Variants in IFIT3 observed in about 807,000 individuals in gnomAD.
IFIT3 encodes the protein interferon-induced protein with tetratricopeptide repeats 3.
A neutral mutation model predicts 2.4 loss-of-function variants in IFIT3; 2 were observed. The ratio of observed to expected loss-of-function variants is 0.82; its 90% CI spans 0.34 to 2.60. The LOEUF is 2.60. Among genes scored for constraint, IFIT3 ranks in the 30% most tolerant of loss-of-function variants. The pLI, the probability that IFIT3 is intolerant of heterozygous loss-of-function variation, is 0.11. For missense variants in IFIT3, 481 were observed against 562.4 expected, an observed-to-expected ratio of 0.86 and a Z score of 1.46; for synonymous variants, 203 against 212.1, an observed-to-expected ratio of 0.96 and a Z score of 0.37.
In IFIT3 at chr10:89,340,187, G is replaced by A. The variant is rs1040519835; in HGVS notation, c.*59G>A. ...CAGTGGTGGTTGTGACGGGTAGGAC[G>A]ATAGGAAGACAGGGGGCCCCAACCT... On this transcript the variant is annotated 3_prime_UTR_variant, in exon 2 of 2. Transcript: ENST00000371818. 1.5e-5 allele frequency: 22 copies of A among 1,501,246 alleles called. No individual in the cohort carries two copies. The highest frequency in any genetic ancestry group is 2.8e-5 in the South Asian group (2 of 72,598). The allele number at this position is 1,501,246 out of a possible 1,614,324, so 93.0% of individuals were successfully genotyped here.
rs1843793307 is a variant in IFIT3, at chr10:89,338,847, T to A, written c.192T>A (p.Asp64Glu). The stretch of plus-strand genomic sequence containing the variant: ...TGTTGGCCTACATAAAACACCTAGA[T>A]GGTAACAACGAGGCAGCCCTGGAAT... Reference protein sequence around the residue: ...YNLLAYIKHLDGNNEAALECL... With the variant: ...YNLLAYIKHLEGNNEAALECL... The change falls in exon 2 of 2, where the codon GAT (aspartate) becomes GAA (glutamate). Residue 64 changes from aspartate (D) to glutamate (E), a missense_variant. Asp to Glu is a conservative substitution (Grantham distance 45, BLOSUM62 2). Coordinates refer to ENST00000371818, the MANE Select transcript of IFIT3 (RefSeq NM_001549.6). The A allele has an allele frequency of 2.5e-6, 4 of 1,614,002 alleles. No individual in the cohort carries two copies. Among genetic ancestry groups the A allele is most frequent in the Non-Finnish European group, 3.4e-6 (4 of 1,180,006 alleles).
intron 1 of IFIT3, among the ~76,000 whole-genome samples, chr10:89,329,185 A>G (rs1843626506): frequency 6.6e-6 from 1 of 152,186 alleles, no homozygotes; most frequent in African/African-American, 2.4e-5. Flanking sequence ...GCAGAAAAGG[A>G]AAACTGGATT....
intron 1 of IFIT3, among the ~76,000 whole-genome samples, chr10:89,328,680 T>A (rs886951555): frequency 2.0e-5 from 3 of 152,230 alleles, no homozygotes; most frequent in Admixed American, 2.0e-4. Context: ...TGTCATTTCT[T>A]ATATAAAAAC....
At position 89,340,897 on chromosome 10, in the gene IFIT3, A is replaced by T. The variant is rs2133576698; in HGVS notation, c.*769A>T. On this transcript the variant is annotated 3_prime_UTR_variant, in exon 2 of 2. Coordinates refer to ENST00000371818, the MANE Select transcript of IFIT3 (RefSeq NM_001549.6). ...AGGCATGTATTTATATGTATTCTTG[A>T]TAGCAATACCATAATCAATGTGTAT... 6.6e-6 allele frequency: 1 copy of T among 152,342 alleles called. No individual in the cohort carries two copies. Among genetic ancestry groups the T allele is most frequent in the African/African-American group, 2.4e-5 (1 of 41,568 alleles). 9.4% of individuals were successfully genotyped at this position (152,342 alleles called of 1,614,324 possible).
intron 1 of IFIT3, among the ~76,000 whole-genome samples, chr10:89,333,289 T>C (rs1843677756): frequency 1.3e-5 from 2 of 152,172 alleles, no homozygotes; most frequent in Admixed American, 6.5e-5. Context: ...TCTAATAGAA[T>C]GCAAATTTCT....
At chr10:89,328,209 C>T in intron 1 of IFIT3, 131 bp downstream of exon 1, 2 of 950,704 alleles carry the variant, frequency 2.1e-6, no homozygotes, top group Non-Finnish European at 3.3e-6. Flanking sequence ...TCAGTCTGAG[C>T]ATTTGTAAGA....
chr10:89,332,728 A>G, intron 1 of IFIT3: 1 of 1,199,722 alleles, frequency 8.3e-7, no homozygotes, highest in Non-Finnish European at 1.2e-6. Flanking sequence ...ATATGCATTT[A>G]TCTAATTCAA....
intron 1 of IFIT3, among the ~76,000 whole-genome samples, chr10:89,332,116 A>ACCATGGT (rs765284108): frequency 1.3e-3 from 192 of 152,296 alleles, no homozygotes; most frequent in Non-Finnish European, 2.2e-3. Context: ...CTGTAATCCC[A>ACCATGGT]GCTACTCAGG....
chr10:89,336,896 C>G (rs913291065), intron 1 of IFIT3, among the ~76,000 whole-genome samples: 1 of 152,220 alleles, frequency 6.6e-6, no homozygotes, highest in East Asian at 1.9e-4. Flanking sequence ...GAGGGACATA[C>G]AGCCCAAGCC....
intron 1 of IFIT3, chr10:89,338,375 C>T (rs1420295542): frequency 2.2e-5 from 7 of 316,710 alleles, no homozygotes; most frequent in South Asian, 5.4e-5. Context: ...CTCAAGCAGT[C>T]GGTCAGAGGG....
intron 1 of IFIT3, among the ~76,000 whole-genome samples, chr10:89,338,456 T>C (rs1388379936): frequency 1.3e-5 from 2 of 152,206 alleles, no homozygotes; most frequent in African/African-American, 2.4e-5. Flanking sequence ...CCACCCATAC[T>C]GGGGAGAGCA....
intron 1 of IFIT3, among the ~76,000 whole-genome samples, chr10:89,337,797 C>T (rs11203078): frequency 0.26 from 38,940 of 152,168 alleles, 5,565 homozygotes; most frequent in East Asian, 0.61. Context: ...TCTGCTTACA[C>T]GGTGTAAGGG....
chr10:89,337,717 C>T (rs1340663996), intron 1 of IFIT3, among the ~76,000 whole-genome samples: 1 of 152,160 alleles, frequency 6.6e-6, no homozygotes, highest in Non-Finnish European at 1.5e-5. Flanking sequence ...AATTGAGCAG[C>T]GTGAGAGAGA....
In IFIT3 at chr10:89,338,630, A is replaced by C. The variant is rs771013826; in HGVS notation, c.6-31A>C. 6 of 1,588,878 alleles carry C rather than the reference A, an allele frequency of 3.8e-6. No individual in the cohort carries two copies. In the South Asian group the frequency reaches 5.8e-5, roughly 15 times the overall value. On this transcript the variant is annotated intron_variant, in intron 1 of 1. Coordinates refer to ENST00000371818, the MANE Select transcript of IFIT3 (RefSeq NM_001549.6). ...CAGGGTGCAGTGCTTGGCAGTGTAC[A>C]TCACAGTGACCATGTTTATTTTCTC... is the stretch of plus-strand genomic sequence containing the variant.
chr10:89,336,878 T>G (rs1414179497), intron 1 of IFIT3, among the ~76,000 whole-genome samples: 1 of 152,174 alleles, frequency 6.6e-6, no homozygotes, highest in East Asian at 1.9e-4. Flanking sequence ...AAGCACAAAC[T>G]CAAGAGTGAG....
Position 89,338,778 on chromosome 10 carries a change from G to A in IFIT3, c.123G>A (p.Gln41=), listed in dbSNP as rs1843791054. 1.9e-6 allele frequency: 3 copies of A among 1,614,000 alleles called. No individual in the cohort carries two copies. Among genetic ancestry groups the A allele is most frequent in the Admixed American group, 1.7e-5 (1 of 60,010 alleles). Residue 41 remains glutamine, a synonymous_variant, in exon 2 of 2, where the codon CAG becomes CAA. Coordinates refer to ENST00000371818, the MANE Select transcript of IFIT3 (RefSeq NM_001549.6). ...SRDLEDRVCN[Q]IEFLNTEFKA... ...ATCTAGAAGATAGAGTGTGTAACCA[G>A]ATTGAATTTTTAAACACTGAGTTCA... is the stretch of plus-strand genomic sequence containing the variant.
At position 89,338,952 on chromosome 10, in the gene IFIT3, C is replaced by G; in HGVS notation, c.297C>G (p.Asn99Lys). 1 of 1,614,174 alleles carries G rather than the reference C, an allele frequency of 6.2e-7. No homozygotes were observed. Among genetic ancestry groups the G allele is most frequent in the Non-Finnish European group, 8.5e-7 (1 of 1,180,014 alleles). The change falls in exon 2 of 2, where the codon AAC (asparagine) becomes AAG (lysine). Residue 99 changes from asparagine (N) to lysine (K), a missense_variant. Transcript: ENST00000371818. ...TCAGAAGTCTAGTCACTTGGGGAAA[C>G]TACGCCTGGGTCTACTATCACTTGG... ...AEIRSLVTWG[N>K]YAWVYYHLGR...
rs746479803 is a variant in IFIT3, at chr10:89,339,666, G to A, written c.1011G>A (p.Glu337=). Reference sequence around the variant, plus strand: ...TGAATGCATACTCCGATCTCGCTGAGTTCCTGGAGACGGAATGTTATCAGA... The same window carrying A: ...TGAATGCATACTCCGATCTCGCTGAATTCCTGGAGACGGAATGTTATCAGA... The part of the protein sequence containing the change: ...NPLNAYSDLA[E]FLETECYQTP... The change falls in exon 2 of 2, where the codon GAG becomes GAA. Residue 337 remains glutamate, a synonymous_variant. Transcript: ENST00000371818. The A allele has an allele frequency of 6.2e-7, 1 of 1,614,234 alleles. No homozygotes were observed. The highest frequency in any genetic ancestry group is 1.1e-5 in the South Asian group (1 of 91,086).
Position 89,339,476 on chromosome 10 carries a change from A to T in IFIT3, c.821A>T (p.Asn274Ile), listed in dbSNP as rs1022000234. The T allele has an allele frequency of 6.2e-7, 1 of 1,614,090 alleles. No individual in the cohort carries two copies. Among genetic ancestry groups the T allele is most frequent in the African/African-American group, 1.3e-5 (1 of 75,062 alleles). The part of the protein sequence containing the change: ...FQRVLESTPN[N>I]GYLYHQIGCC... Reference sequence around the variant, plus strand: ...CGGGTGTTGGAATCCACACCAAACAATGGCTACCTCTATCACCAGATTGGG... The same window carrying T: ...CGGGTGTTGGAATCCACACCAAACATTGGCTACCTCTATCACCAGATTGGG... Residue 274 changes from asparagine to isoleucine, a missense_variant, in exon 2 of 2, where the codon AAT (asparagine) becomes ATT (isoleucine). Transcript: ENST00000371818.
Sources: gnomAD v4.1 joint callset for allele counts (sites outside exome capture counted in the v4.1 genomes callset) on GRCh38, gnomAD v4.1.1 for gene constraint, MANE v1.5 for transcripts, NCBI Gene and HGNC (gene_info 2026-07-23, HGNC 2026-07-21) for gene names.